The following NEK1 variants were observed in gnomAD, a reference collection of about 807,000 sequenced individuals.
NEK1 encodes serine/threonine-protein kinase Nek1.
A neutral mutation model predicts 182.1 loss-of-function variants in NEK1; 137 were observed. The observed-to-expected ratio is 0.75, with a 90% CI of 0.65 to 0.87. The LOEUF (loss-of-function observed/expected upper bound fraction) is 0.87, where lower values mean the gene tolerates loss of function less well. Ranked by LOEUF, NEK1 falls within the 40% of genes least tolerant of loss-of-function variation. The pLI is 0.00. For missense variants in NEK1, 1,391 were observed against 1,494.4 expected (o/e 0.93, Z 1.14); for synonymous variants, 513 against 492.2 (o/e 1.04, Z -0.56).
At chr4:169,498,812 AC>A in intron 23 of NEK1, among the ~76,000 whole-genome samples, 1 of 152,128 alleles carries the variant, frequency 6.6e-6, no homozygotes, top group Non-Finnish European at 1.5e-5. Context: ...AGGTAACCCA[AC>A]CTTTCTCTCT....
intron 27 of NEK1, among the ~76,000 whole-genome samples, chr4:169,444,512 G>C (rs571571172): frequency 6.6e-6 from 1 of 151,440 alleles, no homozygotes; most frequent in East Asian, 1.9e-4. Context: ...TGTAAAAAAA[G>C]ACAAAGAAGG....
chr4:169,444,558 C>T (rs921276509), intron 27 of NEK1, among the ~76,000 whole-genome samples: 1 of 151,986 alleles, frequency 6.6e-6, no homozygotes, highest in Non-Finnish European at 1.5e-5. Flanking sequence ...ATTAAATGAG[C>T]AGATCTAACA....
At chr4:169,410,993 T>C (rs2111164269) in intron 31 of NEK1, among the ~76,000 whole-genome samples, 1 of 152,272 alleles carries the variant, frequency 6.6e-6, no homozygotes, top group South Asian at 2.1e-4. Context: ...TGCCACAGAG[T>C]GTGTGCGTGC....
chr4:169,461,903 G>A (rs961039294), intron 27 of NEK1, among the ~76,000 whole-genome samples: 1 of 151,972 alleles, frequency 6.6e-6, no homozygotes, highest in African/African-American at 2.4e-5. Flanking sequence ...ACTAAGAAGT[G>A]TTCAATAAAT....
At chr4:169,567,275 G>T (rs1763855839) in intron 12 of NEK1, among the ~76,000 whole-genome samples, 1 of 150,140 alleles carries the variant, frequency 6.7e-6, no homozygotes, top group African/African-American at 2.5e-5. Context: ...TTCTTCAAAT[G>T]TTTTTTTCAT....
chr4:169,447,934 T>C (rs534308896), intron 27 of NEK1, among the ~76,000 whole-genome samples: 1 of 152,086 alleles, frequency 6.6e-6, no homozygotes, highest in East Asian at 1.9e-4. Context: ...CCTGTAATCC[T>C]AGAACTTTGG....
intron 19 of NEK1, among the ~76,000 whole-genome samples, chr4:169,513,510 T>A (rs551958532): frequency 6.6e-6 from 1 of 152,110 alleles, no homozygotes; most frequent in South Asian, 2.1e-4. Flanking sequence ...ATAATCATTA[T>A]CAACTTGAAA....
At chr4:169,600,150 T>C (rs1348922830) in intron 4 of NEK1, among the ~76,000 whole-genome samples, 1 of 152,072 alleles carries the variant, frequency 6.6e-6, no homozygotes, top group Admixed American at 6.5e-5. Flanking sequence ...CAAAGAACAG[T>C]TTTCCTAGTT....
At chr4:169,483,400 T>C (rs1461938240) in intron 23 of NEK1, among the ~76,000 whole-genome samples, 2 of 152,190 alleles carry the variant, frequency 1.3e-5, no homozygotes, top group East Asian at 1.9e-4. Context: ...ATGACACTGA[T>C]AGACTTGCTT....
chr4:169,449,456 C>T (rs1019811924), intron 27 of NEK1, among the ~76,000 whole-genome samples: 2 of 152,172 alleles, frequency 1.3e-5, no homozygotes, highest in African/African-American at 4.8e-5. Context: ...ACAAAGCTTC[C>T]AGAGGAAGGA....
In NEK1 at chr4:169,450,370, A is replaced by T. The variant is rs191162515; in HGVS notation, c.2588-12111T>A. ...CTCTAGAAGAGCAACCCCAAGACAC[A>T]TAATTGTCAGATTCACCAAGGTTGA... On this transcript the variant is annotated intron_variant, in intron 27 of 35. Transcript: ENST00000507142. Among the ~76,000 whole-genome samples the T allele has an allele frequency of 4.0e-3, 604 of 152,276 alleles. 6 individuals are homozygous for T. The highest frequency in any genetic ancestry group is 0.013 in the African/African-American group (531 of 41,546).
chr4:169,574,347 G>C (rs1481238174), intron 12 of NEK1, among the ~76,000 whole-genome samples: 2 of 152,170 alleles, frequency 1.3e-5, no homozygotes, highest in African/African-American at 4.8e-5. Context: ...CGTAATCCCA[G>C]CGCTTTGGGA....
intron 29 of NEK1, among the ~76,000 whole-genome samples, chr4:169,426,666 G>A (rs1171885222): frequency 1.3e-5 from 2 of 152,178 alleles, no homozygotes; most frequent in Non-Finnish European, 2.9e-5. Context: ...GAATGGGAAT[G>A]CCCCTTAAGA....
At chr4:169,567,879 T>C (rs1253229579) in intron 12 of NEK1, among the ~76,000 whole-genome samples, 1 of 151,806 alleles carries the variant, frequency 6.6e-6, no homozygotes. Context: ...TATTTGATAG[T>C]AGAGATATTA....
intron 5 of NEK1, among the ~76,000 whole-genome samples, chr4:169,595,027 G>T (rs1411538673): frequency 2.6e-5 from 4 of 151,980 alleles, no homozygotes; most frequent in Non-Finnish European, 4.4e-5. Context: ...CTTGATGCTT[G>T]CCAGAAAGCT....
chr4:169,462,366 T>C (rs1744126303), intron 27 of NEK1, among the ~76,000 whole-genome samples: 1 of 152,134 alleles, frequency 6.6e-6, no homozygotes. Context: ...TACAAACATA[T>C]ACACTTTTTG....
At chr4:169,444,391 A>C (rs1166736984) in intron 27 of NEK1, among the ~76,000 whole-genome samples, 1 of 152,174 alleles carries the variant, frequency 6.6e-6, no homozygotes, top group Non-Finnish European at 1.5e-5. Flanking sequence ...CATTACATAT[A>C]TAGACTGAAA....
intron 11 of NEK1, among the ~76,000 whole-genome samples, chr4:169,578,140 C>A (rs766602359): frequency 1.3e-5 from 2 of 152,112 alleles, no homozygotes; most frequent in African/African-American, 2.4e-5. Context: ...TTAATGAAGC[C>A]TAGATGAGGT....
chr4:169,604,886 G>A (rs1190955034), intron 2 of NEK1, among the ~76,000 whole-genome samples: 1 of 152,166 alleles, frequency 6.6e-6, no homozygotes, highest in Non-Finnish European at 1.5e-5. Context: ...TAGCATCAGT[G>A]AGTTAAAGAA....
Sources: gnomAD v4.1 joint callset for allele counts (sites outside exome capture counted in the v4.1 genomes callset) on GRCh38, gnomAD v4.1.1 for gene constraint, MANE v1.5 for transcripts, NCBI Gene and HGNC (gene_info 2026-07-23, HGNC 2026-07-21) for gene names.